Variants in ECSIT observed in about 807,000 individuals in gnomAD.
ECSIT encodes ECSIT signaling integrator, also known as evolutionarily conserved signaling intermediate in Toll pathway, mitochondrial.
A neutral mutation model predicts 36.8 loss-of-function variants in ECSIT; 29 were observed. The observed-to-expected ratio is 0.79, with a 90% CI of 0.59 to 1.08. The LOEUF (loss-of-function observed/expected upper bound fraction) is 1.08, where lower values mean the gene tolerates loss of function less well. Ranked by LOEUF, ECSIT falls within the 50% of genes least tolerant of loss-of-function variation. ECSIT has a pLI of 0.00. For synonymous variants in ECSIT, 231 were observed against 234.8 expected (o/e 0.98, Z 0.15); for missense variants, 542 against 581.0 (o/e 0.93, Z 0.69).
At position 11,514,060 on chromosome 19, in the gene ECSIT, C is replaced by T; in HGVS notation, c.258G>A (p.Lys86=). 6.2e-7 allele frequency: 1 copy of T among 1,614,184 alleles called. No homozygotes were observed. Among genetic ancestry groups the T allele is most frequent in the Non-Finnish European group, 8.5e-7 (1 of 1,180,008 alleles). Residue 86 remains lysine (K), a synonymous_variant, in exon 3 of 8, where the codon AAG becomes AAA. Coordinates refer to ENST00000270517, the MANE Select transcript of ECSIT (RefSeq NM_016581.5). ...FGQAPGGERD[K]ASFLQTVQKF... ...TCTGCACCGTCTGCAGGAAGCTCGC[C>T]TTGTCCCGTTCCCCACCAGGCGCCT...
chr19:11,517,601 C>CA (rs1023987312), intron 2 of ECSIT, among the ~76,000 whole-genome samples: 5 of 151,678 alleles, frequency 3.3e-5, no homozygotes, highest in Non-Finnish European at 7.4e-5. Context: ...ATCTCAAAAA[C>CA]AAAAAACAAC....
chr19:11,507,884 AAGG>A, intron 5 of ECSIT, 34 bp from the exon 6 acceptor site: 1 of 1,613,824 alleles, frequency 6.2e-7, no homozygotes, highest in Non-Finnish European at 8.5e-7. Context: ...TGTGCCCTGC[AAGG>A]GACTCGGCCC....
intron 4 of ECSIT, among the ~76,000 whole-genome samples, chr19:11,512,318 C>A (rs1329348970): frequency 6.6e-6 from 1 of 152,094 alleles, no homozygotes; most frequent in African/African-American, 2.4e-5. Flanking sequence ...GCGCTCCAGC[C>A]TGGGCAACAG....
intron 4 of ECSIT, among the ~76,000 whole-genome samples, chr19:11,510,190 T>C (rs1175537702): frequency 6.6e-6 from 1 of 151,000 alleles, no homozygotes; most frequent in Admixed American, 6.6e-5. Context: ...TTCTTTTTTT[T>C]AAACAGACAG....
At chr19:11,524,997 C>G (rs1374164578) in intron 1 of ECSIT, among the ~76,000 whole-genome samples, 1 of 151,788 alleles carries the variant, frequency 6.6e-6, no homozygotes, top group African/African-American at 2.4e-5. Context: ...ATTAGCGGGA[C>G]AGGGTGGCGG....
intron 2 of ECSIT, among the ~76,000 whole-genome samples, 199 bp from the exon 3 acceptor site, chr19:11,514,420 C>T (rs1971945383): frequency 6.6e-6 from 1 of 152,080 alleles, no homozygotes; most frequent in Non-Finnish European, 1.5e-5. Flanking sequence ...AGGAAACAGG[C>T]ACTGTTAGCC....
chr19:11,523,507 C>T lies in ECSIT; in HGVS notation c.-23-4314G>A, dbSNP rs941239686. 3.3e-5 allele frequency: 36 copies of T among 1,085,608 alleles called. No homozygotes were observed. In the African/African-American group the frequency reaches 3.6e-4, roughly 11 times the overall value. The allele number at this position is 1,085,608 out of a possible 1,614,324, so 67.2% of individuals were successfully genotyped here. A position where few individuals can be genotyped will look rare whatever the true frequency, so the allele number is the denominator to read the frequency against. On this transcript the variant is annotated intron_variant, in intron 1 of 7. Transcript: ENST00000270517. The stretch of plus-strand genomic sequence containing the variant: ...CTGCTTTACAAGAGGTGCTGAAGAC[C>T]GCCCTCATCCACGATGGCCTAGCAC...
At chr19:11,522,459 G>A (rs1972125416) in intron 1 of ECSIT, 3 of 1,456,890 alleles carry the variant, frequency 2.1e-6, no homozygotes, top group African/African-American at 2.8e-5. Context: ...ATCAGCACAA[G>A]CCACGCTTCA....
chr19:11,524,783 T>TACC (rs1351258721), intron 1 of ECSIT, among the ~76,000 whole-genome samples: 1 of 152,006 alleles, frequency 6.6e-6, no homozygotes, highest in Non-Finnish European at 1.5e-5. Context: ...ATGATTGTGC[T>TACC]ACCACACTCT....
In ECSIT at chr19:11,505,984, G is replaced by C; in HGVS notation, c.*200C>G. On this transcript the variant is annotated 3_prime_UTR_variant, in exon 8 of 8. Transcript: ENST00000270517. ...TTTATTTGAATTCGGAGAACCAGAG[G>C]CGCCTGCAGATTCTGGAGGGGTCTC... 7 of 987,570 alleles carry C rather than the reference G, an allele frequency of 7.1e-6. No homozygotes were observed. In the South Asian group the frequency reaches 1.2e-4, roughly 16 times the overall value. 61.2% of individuals were successfully genotyped at this position (987,570 alleles called of 1,614,324 possible). A position where few individuals can be genotyped will look rare whatever the true frequency, so the allele number is the denominator to read the frequency against.
chr19:11,522,548 G>A (rs746150177), intron 1 of ECSIT: 12 of 688,950 alleles, frequency 1.7e-5, no homozygotes, highest in Admixed American at 5.2e-5. Context: ...GGAACGCCCC[G>A]GTAAAAAAAA....
rs1357094719 is a variant in ECSIT at position 11,506,114 on chromosome 19, C to CA, written c.*69dup. The CA allele has an allele frequency of 4.4e-6, 7 of 1,580,106 alleles. No homozygotes were observed. Among genetic ancestry groups the CA allele is most frequent in the South Asian group, 1.1e-5 (1 of 89,098 alleles). ...GGAAAACATTGATTTGCTGTACACTCAAAGGGCATCTCATGCCTTCAGTCC... is the reference window on the plus strand; with the variant it reads ...GGAAAACATTGATTTGCTGTACACTCAAAAGGGCATCTCATGCCTTCAGTCC... On this transcript the variant is annotated 3_prime_UTR_variant, in exon 8 of 8. Transcript: ENST00000270517.
chr19:11,524,437 G>A (rs919064651), intron 1 of ECSIT, among the ~76,000 whole-genome samples: 20 of 151,638 alleles, frequency 1.3e-4, no homozygotes, highest in Admixed American at 6.6e-5. Flanking sequence ...CAGGAGAATC[G>A]CTTGAACCCA....
At position 11,506,158 on chromosome 19, in the gene ECSIT, A is replaced by G; in HGVS notation, c.*26T>C. On this transcript the variant is annotated 3_prime_UTR_variant, in exon 8 of 8. Transcript: ENST00000270517. The stretch of plus-strand genomic sequence containing the variant: ...TCAGTCCACCGCCTCCTCGGGCCAC[A>G]GCCCGTGCCCTCGCGCCGGCTCAGA... The G allele has an allele frequency of 6.2e-7, 1 of 1,600,222 alleles. No individual in the cohort carries two copies. The highest frequency in any genetic ancestry group is 1.1e-5 in the South Asian group (1 of 90,958).
chr19:11,514,833 CT>C (rs1238011686), intron 2 of ECSIT, among the ~76,000 whole-genome samples: 1 of 149,642 alleles, frequency 6.7e-6, no homozygotes, highest in Non-Finnish European at 1.5e-5. Context: ...GCCCTTTTTG[CT>C]TGTAATTTTT....
intron 4 of ECSIT, among the ~76,000 whole-genome samples, chr19:11,509,693 GGGA>G (rs1971831369): frequency 1.3e-5 from 2 of 151,518 alleles, no homozygotes; most frequent in South Asian, 4.2e-4. Flanking sequence ...GCTTGAACCT[GGGA>G]GGAGGAGGTT....
chr19:11,508,333 C>CTGAG lies in ECSIT; in HGVS notation c.739-286_739-285insCTCA, dbSNP rs758502376. Among the ~76,000 whole-genome samples, 368 of 151,052 alleles carry CTGAG rather than the reference C, an allele frequency of 2.4e-3. 5 individuals are homozygous for CTGAG. The highest frequency in any genetic ancestry group is 6.2e-4 in the South Asian group (3 of 4,806). On this transcript the variant is annotated intron_variant, in intron 4 of 7. Transcript: ENST00000270517. ...TTGGCCAAGTCACTGTACCTGTGTG[C>CTGAG]CTCAGTTTCTCCAGATGCACAATAG...
chr19:11,526,246 A>G (rs947421874), intron 1 of ECSIT, among the ~76,000 whole-genome samples: 1 of 152,120 alleles, frequency 6.6e-6, no homozygotes, highest in Non-Finnish European at 1.5e-5. Flanking sequence ...TACAGGCATG[A>G]GCCACTGCGC....
Position 11,512,914 on chromosome 19 carries a change from G to A in ECSIT, c.738+142C>T. ...GCCGAGATAGTGCCACCACACTCCA[G>A]CCTGGGCAACAGAGCAAGACCCTGT... On this transcript the variant is annotated intron_variant, in intron 4 of 7. Coordinates refer to ENST00000270517, the MANE Select transcript of ECSIT (RefSeq NM_016581.5). 7.1e-6 allele frequency: 6 copies of A among 845,360 alleles called. No homozygotes were observed. The Admixed American group carries it at 1.0e-4, about 14-fold the overall frequency. The allele number at this position is 845,360 out of a possible 1,614,324, so 52.4% of individuals were successfully genotyped here. A position where few individuals can be genotyped will look rare whatever the true frequency, so the allele number is the denominator to read the frequency against.
Sources: gnomAD v4.1 joint callset for allele counts (sites outside exome capture counted in the v4.1 genomes callset) on GRCh38, gnomAD v4.1.1 for gene constraint, MANE v1.5 for transcripts, NCBI Gene and HGNC (gene_info 2026-07-23, HGNC 2026-07-21) for gene names.